The following CASP9 variants were observed in gnomAD, a reference collection of about 807,000 sequenced individuals.
CASP9 encodes the protein caspase 9, also known as caspase-9.
Under a neutral mutation model 43.5 loss-of-function variants are expected in CASP9, and 29 were observed. That is an observed-to-expected ratio of 0.67 (90% CI 0.50 to 0.91). The LOEUF (loss-of-function observed/expected upper bound fraction) is 0.91. CASP9 is among the 40% of genes least tolerant of loss of function. The pLI, the probability that CASP9 is intolerant of heterozygous loss-of-function variation, is 0.00. For missense variants in CASP9, 575 were observed against 537.4 expected, an observed-to-expected ratio of 1.07 and a Z score of -0.69; for synonymous variants, 206 against 211.9, an observed-to-expected ratio of 0.97 and a Z score of 0.24.
intron 2 of CASP9, 102 bp downstream of exon 2, chr1:15,518,008 C>T (rs1285900326): frequency 9.6e-6 from 13 of 1,356,968 alleles, no homozygotes; most frequent in African/African-American, 4.3e-5. Flanking sequence ...AAAGACAATG[C>T]TAAAATTAAA....
In CASP9 at chr1:15,492,720, C is replaced by T. The variant is rs906874720; in HGVS notation, c.*223G>A. 4 of 605,804 alleles carry T rather than the reference C, an allele frequency of 6.6e-6. No individual in the cohort carries two copies. The highest frequency in any genetic ancestry group is 4.4e-4 in the Middle Eastern group (1 of 2,256). The allele number at this position is 605,804 out of a possible 1,614,324, so 37.5% of individuals were successfully genotyped here. On this transcript the variant is annotated 3_prime_UTR_variant, in exon 9 of 9. Transcript: ENST00000333868. The stretch of plus-strand genomic sequence containing the variant: ...GGACCAGCCACTGCTCAAGAGGCCA[C>T]GTGCAATCCACGGCATTCATCTGTC...
At chr1:15,524,318 G>C (rs1710355027), upstream of CASP9, 1 of 1,445,066 alleles carries the variant, frequency 6.9e-7, no homozygotes, top group Non-Finnish European at 9.0e-7. Context: ...ACGGCCCCGG[G>C]TCAGTCTTCG....
rs149334733 is a variant in CASP9, at chr1:15,512,733, T to G, written c.419-4826A>C. Among the ~76,000 whole-genome samples, 906 of 152,310 alleles carry G rather than the reference T, an allele frequency of 5.9e-3. 6 individuals are homozygous for G. The highest frequency in any genetic ancestry group is 0.034 in the Middle Eastern group (10 of 294). On this transcript the variant is annotated intron_variant, in intron 2 of 8. Transcript: ENST00000333868. Reference sequence around the variant, plus strand: ...TTCTATATATATCCGTGTGTGTATGTGTGTATATGTATATATATAAAACAG... The same window carrying G: ...TTCTATATATATCCGTGTGTGTATGGGTGTATATGTATATATATAAAACAG...
intron 6 of CASP9, among the ~76,000 whole-genome samples, chr1:15,501,571 C>A (rs1490951915): frequency 1.3e-5 from 2 of 152,160 alleles, no homozygotes; most frequent in Non-Finnish European, 2.9e-5. Flanking sequence ...TATTTCTGCT[C>A]TCAGCTGACG....
intron 1 of CASP9, 48 bp from the exon 2 acceptor site, chr1:15,518,443 T>C (rs753524808): frequency 2.0e-5 from 32 of 1,571,730 alleles, no homozygotes; most frequent in South Asian, 3.4e-5. Context: ...TACTTTTATA[T>C]GGCTCTCACC....
At chr1:15,521,784 A>G (rs530123350) in intron 1 of CASP9, among the ~76,000 whole-genome samples, 5 of 148,624 alleles carry the variant, frequency 3.4e-5, no homozygotes, top group South Asian at 2.1e-4. Context: ...CTTTTTTTCT[A>G]TCTCTTTCTC....
rs757970171 is a variant in CASP9, at chr1:15,501,765, TTTTA to T, written c.868+2842_868+2845del. Reference sequence around the variant, plus strand: ...ATGCCAAATTTGGCTCATATTTTTTTTTTATTTTTTATTTTTTTAGAGACAGGTG... The same window carrying T: ...ATGCCAAATTTGGCTCATATTTTTTTTTTTTTATTTTTTTAGAGACAGGTG... On this transcript the variant is annotated intron_variant, in intron 6 of 8. Coordinates refer to ENST00000333868, the MANE Select transcript of CASP9 (RefSeq NM_001229.5). Among the ~76,000 whole-genome samples, 17 of 152,338 alleles carry T rather than the reference TTTTA, an allele frequency of 1.1e-4. No homozygotes were observed. In the South Asian group the frequency reaches 1.7e-3, roughly 15 times the overall value.
chr1:15,499,953 C>A (rs1427873366), intron 6 of CASP9, among the ~76,000 whole-genome samples: 1 of 152,088 alleles, frequency 6.6e-6, no homozygotes, highest in African/African-American at 2.4e-5. Flanking sequence ...ACAGAGAGGT[C>A]CTGGCAGGAC....
chr1:15,519,355 T>G (rs1710087965), intron 1 of CASP9, among the ~76,000 whole-genome samples: 1 of 152,000 alleles, frequency 6.6e-6, no homozygotes, highest in South Asian at 2.1e-4. Flanking sequence ...AATGTTTGTA[T>G]TTTTTGGTTA....
intron 2 of CASP9, among the ~76,000 whole-genome samples, chr1:15,516,201 TAAA>T (rs776370188): frequency 3.1e-5 from 4 of 127,254 alleles, no homozygotes; most frequent in Admixed American, 1.6e-4. Flanking sequence ...GACTCCCTCT[TAAA>T]AAAAAAAAAA....
intron 6 of CASP9, among the ~76,000 whole-genome samples, chr1:15,496,412 T>C (rs926821382): frequency 1.3e-5 from 2 of 152,246 alleles, no homozygotes; most frequent in Middle Eastern, 3.4e-3. Context: ...TAGAAGTTAA[T>C]AGAGCAAGGA....
chr1:15,499,183 G>T (rs760632088), intron 6 of CASP9, among the ~76,000 whole-genome samples: 144 of 152,114 alleles, frequency 9.5e-4, no homozygotes, highest in Non-Finnish European at 1.4e-3. Context: ...AGGCTGACTG[G>T]GACTTTGACC....
intron 8 of CASP9, 31 bp from the exon 9 acceptor site, chr1:15,493,066 A>C: frequency 6.2e-7 from 1 of 1,613,214 alleles, no homozygotes; most frequent in Non-Finnish European, 8.5e-7. Context: ...GAGCTCTGTG[A>C]GTTCAGTTCT....
chr1:15,505,527 A>T (rs1180552907), intron 5 of CASP9, among the ~76,000 whole-genome samples: 1 of 152,234 alleles, frequency 6.6e-6, no homozygotes, highest in Non-Finnish European at 1.5e-5. Flanking sequence ...TCCTCAACTT[A>T]AAAGATGAGG....
chr1:15,499,996 T>C (rs969800099), intron 6 of CASP9, among the ~76,000 whole-genome samples: 4 of 152,242 alleles, frequency 2.6e-5, no homozygotes, highest in African/African-American at 7.2e-5. Context: ...ACAGAGCTAC[T>C]GAAGTGGAGA....
chr1:15,507,121 C>T, intron 3 of CASP9, 46 bp from the exon 4 acceptor site: 1 of 1,609,958 alleles, frequency 6.2e-7, no homozygotes, highest in South Asian at 1.1e-5. Flanking sequence ...CCCCACGCTC[C>T]CTAGAGGACA....
chr1:15,503,223 C>T (rs1709393959), intron 6 of CASP9, among the ~76,000 whole-genome samples: 1 of 148,694 alleles, frequency 6.7e-6, no homozygotes, highest in Non-Finnish European at 1.5e-5. Context: ...CCTGTCTCTA[C>T]AAAAAAAAAA....
intron 2 of CASP9, 61 bp downstream of exon 2, chr1:15,518,049 A>G: frequency 6.4e-7 from 1 of 1,561,324 alleles, no homozygotes; most frequent in Admixed American, 1.7e-5. Flanking sequence ...AGCTGTACTC[A>G]TAGTGAGTCC....
At chr1:15,522,916 C>T (rs977658624) in intron 1 of CASP9, among the ~76,000 whole-genome samples, 5 of 152,240 alleles carry the variant, frequency 3.3e-5, no homozygotes, top group Admixed American at 2.0e-4. Flanking sequence ...AGGGGCCACA[C>T]AGAAGGCACA....
Sources: allele counts gnomAD v4.1 joint callset (sites outside exome capture counted in the v4.1 genomes callset), GRCh38; gene constraint gnomAD v4.1.1; transcripts MANE v1.5; gene names NCBI Gene and HGNC (gene_info 2026-07-23, HGNC 2026-07-21).